The following HS2ST1 variants were observed in gnomAD, a reference collection of about 807,000 sequenced individuals.
The protein encoded by HS2ST1 is heparan sulfate 2-O-sulfotransferase 1.
A neutral mutation model predicts 42.9 loss-of-function variants in HS2ST1; 18 were observed. The ratio of observed to expected loss-of-function variants is 0.42; its 90% CI spans 0.29 to 0.62. The LOEUF (loss-of-function observed/expected upper bound fraction) is 0.62. Among genes scored for constraint, HS2ST1 ranks in the 20% least tolerant of loss-of-function variants. The pLI is 0.21. For missense variants in HS2ST1, 334 were observed against 433.8 expected, an observed-to-expected ratio of 0.77 and a Z score of 2.04; for synonymous variants, 146 against 152.9, an observed-to-expected ratio of 0.95 and a Z score of 0.33.
intron 1 of HS2ST1, among the ~76,000 whole-genome samples, chr1:86,929,034 C>CAG: frequency 6.6e-6 from 1 of 151,958 alleles, no homozygotes; most frequent in East Asian, 1.9e-4. Flanking sequence ...CAATAACTAA[C>CAG]AGTTATGGAG....
At chr1:86,926,627 A>G (rs1266758244) in intron 1 of HS2ST1, among the ~76,000 whole-genome samples, 1 of 152,112 alleles carries the variant, frequency 6.6e-6, no homozygotes, top group East Asian at 1.9e-4. Context: ...CTTTTACTTC[A>G]TCTTGGCTAG....
chr1:87,045,954 C>A, intron 1 of HS2ST1: 1 of 719,756 alleles, frequency 1.4e-6, no homozygotes, highest in South Asian at 1.3e-5. Context: ...TTGATGTCAG[C>A]AACCTCAACA....
At chr1:86,961,243 A>G (rs1647835875) in intron 1 of HS2ST1, among the ~76,000 whole-genome samples, 1 of 152,162 alleles carries the variant, frequency 6.6e-6, no homozygotes. Flanking sequence ...TCCATTAAAA[A>G]AAAAAATTCC....
intron 1 of HS2ST1, among the ~76,000 whole-genome samples, chr1:87,062,191 T>C (rs1362642833): frequency 6.6e-6 from 1 of 152,136 alleles, no homozygotes; most frequent in Non-Finnish European, 1.5e-5. Context: ...TTCATTTTCA[T>C]TCATGTCAAT....
At chr1:87,039,044 A>G (rs556239876) in intron 1 of HS2ST1, among the ~76,000 whole-genome samples, 44 of 152,310 alleles carry the variant, frequency 2.9e-4, no homozygotes, top group African/African-American at 1.1e-3. Context: ...CCAAATGACA[A>G]CTTTGGCTGA....
intron 1 of HS2ST1, among the ~76,000 whole-genome samples, chr1:87,055,204 A>C (rs986644920): frequency 6.6e-6 from 1 of 152,218 alleles, no homozygotes; most frequent in Non-Finnish European, 1.5e-5. Flanking sequence ...GCTCTTCCAC[A>C]GACCAGCTAC....
chr1:87,004,534 T>G (rs577522163), intron 1 of HS2ST1, among the ~76,000 whole-genome samples: 1 of 152,346 alleles, frequency 6.6e-6, no homozygotes, highest in Admixed American at 6.5e-5. Flanking sequence ...GTTAGAGGAA[T>G]GCATCATACA....
chr1:87,083,152 G>A (rs1354515098), intron 2 of HS2ST1, among the ~76,000 whole-genome samples: 1 of 152,152 alleles, frequency 6.6e-6, no homozygotes, highest in African/African-American at 2.4e-5. Flanking sequence ...GCCTTTAACA[G>A]GAGGCAGCTA....
chr1:86,954,050 A>ATT (rs1647605062), intron 1 of HS2ST1, among the ~76,000 whole-genome samples: 7 of 143,168 alleles, frequency 4.9e-5, no homozygotes, highest in African/African-American at 1.9e-4. Context: ...TAAAAAAAAA[A>ATT]AAAAAAAAAA....
Position 87,071,898 on chromosome 1 carries a change from G to A in HS2ST1, c.125-1036G>A, listed in dbSNP as rs116562981. On this transcript the variant is annotated intron_variant, in intron 1 of 6. Coordinates refer to ENST00000370550, the MANE Select transcript of HS2ST1 (RefSeq NM_012262.4). ...GGTTAAGAGAGTACGTGCTATATGT[G>A]TAACTATCCCCGTGCAAAGTATTTG... 5.3e-3 allele frequency among the ~76,000 whole-genome samples: 803 copies of A among 152,126 alleles called. 10 individuals are homozygous for A. Among genetic ancestry groups the A allele is most frequent in the African/African-American group, 0.018 (761 of 41,498 alleles).
rs545464853 is a variant in HS2ST1 at position 87,021,597 on chromosome 1, C to T, written c.125-51337C>T. ...TGGCACAATCACTACTCACTACAAC[C>T]TTGAGTTTCCGGGCTCAAGGGATCC... is the stretch of plus-strand genomic sequence containing the variant. On this transcript the variant is annotated intron_variant, in intron 1 of 6. Coordinates refer to ENST00000370550, the MANE Select transcript of HS2ST1 (RefSeq NM_012262.4). Among the ~76,000 whole-genome samples, 6 of 152,296 alleles carry T rather than the reference C, an allele frequency of 3.9e-5. No individual in the cohort carries two copies. The East Asian group carries it at 1.2e-3, about 29-fold the overall frequency.
At position 86,976,704 on chromosome 1, in the gene HS2ST1, G is replaced by GTGTATATATATATATATATA. The variant is rs1553134337; in HGVS notation, c.124+61545_124+61546insGTATATATATATATATATAT. ...AAATCCATCTTTTCTTTATAAAATT[G>GTGTATATATATATATATATA]TATATATATATATATATTTTAAATG... On this transcript the variant is annotated intron_variant, in intron 1 of 6. Transcript: ENST00000370550. 2.6e-4 allele frequency among the ~76,000 whole-genome samples: 21 copies of GTGTATATATATATATATATA among 79,708 alleles called. 2 individuals carry two copies. Among genetic ancestry groups the GTGTATATATATATATATATA allele is most frequent in the Admixed American group, 5.3e-4 (3 of 5,702 alleles). 52.3% of individuals were successfully genotyped at this position (79,708 alleles called of 152,430 possible).
chr1:86,993,247 C>T, intron 1 of HS2ST1: 2 of 1,224,822 alleles, frequency 1.6e-6, no homozygotes, highest in South Asian at 1.7e-5. Context: ...ACTTAGAAAT[C>T]TAAAAACTGA....
intron 3 of HS2ST1, among the ~76,000 whole-genome samples, chr1:87,090,479 T>A (rs527455476): frequency 4.7e-4 from 72 of 152,064 alleles, no homozygotes; most frequent in African/African-American, 1.6e-3. Flanking sequence ...GAAACACTAG[T>A]AGGATAAGCT....
At chr1:86,993,014 G>A (rs2100562058) in intron 1 of HS2ST1, 1 of 1,538,040 alleles carries the variant, frequency 6.5e-7, no homozygotes, top group Non-Finnish European at 8.8e-7. Context: ...CCCAGTGTGG[G>A]GAGGGTACCT....
At chr1:86,962,128 A>G (rs1050162336) in intron 1 of HS2ST1, among the ~76,000 whole-genome samples, 2 of 152,180 alleles carry the variant, frequency 1.3e-5, no homozygotes, top group African/African-American at 4.8e-5. Flanking sequence ...TAAGAAGGAA[A>G]AACATCTTGT....
At chr1:87,092,703 A>C in intron 4 of HS2ST1, 34 bp downstream of exon 4, 1 of 1,418,206 alleles carries the variant, frequency 7.1e-7, no homozygotes, top group Non-Finnish European at 9.5e-7. Flanking sequence ...TTATAAAGAT[A>C]ATTGTTTATG....
Position 87,057,555 on chromosome 1 carries a change from C to A in HS2ST1, c.125-15379C>A, listed in dbSNP as rs564459912. 2.9e-5 allele frequency among the ~76,000 whole-genome samples: 4 copies of A among 138,162 alleles called. No individual in the cohort carries two copies. The East Asian group carries it at 9.2e-4, about 32-fold the overall frequency. 90.6% of individuals were successfully genotyped at this position (138,162 alleles called of 152,430 possible). A position where few individuals can be genotyped will look rare whatever the true frequency, so the allele number is the denominator to read the frequency against. ...TTTGCCTGGAAGGTTTCTTTGTCAC[C>A]CAGAAGGCACTTTTTTTTTTTTTTT... On this transcript the variant is annotated intron_variant, in intron 1 of 6. Coordinates refer to ENST00000370550, the MANE Select transcript of HS2ST1 (RefSeq NM_012262.4).
chr1:87,071,293 G>T (rs1263842670), intron 1 of HS2ST1, among the ~76,000 whole-genome samples: 1 of 152,186 alleles, frequency 6.6e-6, no homozygotes, highest in Non-Finnish European at 1.5e-5. Flanking sequence ...TGCACTTGTT[G>T]CTGTAATTAT....
Sources: allele counts gnomAD v4.1 joint callset (sites outside exome capture counted in the v4.1 genomes callset), GRCh38; gene constraint gnomAD v4.1.1; transcripts MANE v1.5; gene names NCBI Gene and HGNC (gene_info 2026-07-23, HGNC 2026-07-21).